ALMS1: variants seen among roughly 807,000 people sequenced by gnomAD.
ALMS1 encodes centrosome-associated protein ALMS1.
Under a neutral mutation model 352.2 loss-of-function variants are expected in ALMS1, and 271 were observed. The ratio of observed to expected loss-of-function variants is 0.77; its 90% CI spans 0.70 to 0.85. The LOEUF is 0.85. ALMS1 is among the 40% of genes least tolerant of loss of function. ALMS1 has a pLI of 0.00. For synonymous variants in ALMS1, 1,865 were observed against 1,761.2 expected (o/e 1.06, Z -1.48); for missense variants, 5,445 against 4,870.7 (o/e 1.12, Z -3.51).
intron 1 of ALMS1, among the ~76,000 whole-genome samples, chr2:73,398,237 G>A (rs1670803731): frequency 6.6e-6 from 1 of 152,190 alleles, no homozygotes; most frequent in South Asian, 2.1e-4. Context: ...CATTTGTTGA[G>A]AAGACTTTCT....
intron 16 of ALMS1, among the ~76,000 whole-genome samples, chr2:73,579,745 G>A (rs116092784): frequency 0.022 from 3,374 of 152,200 alleles, 126 homozygotes; most frequent in Admixed American, 0.089. Flanking sequence ...TGAGAAATTA[G>A]CAATTAATTT....
chr2:73,427,542 G>A (rs1671407403), intron 6 of ALMS1, among the ~76,000 whole-genome samples: 1 of 151,718 alleles, frequency 6.6e-6, no homozygotes, highest in Non-Finnish European at 1.5e-5. Context: ...GAACGTGCAG[G>A]TTTGTTACAT....
chr2:73,492,534 C>G (rs923312054), intron 10 of ALMS1, among the ~76,000 whole-genome samples: 1 of 152,036 alleles, frequency 6.6e-6, no homozygotes, highest in Non-Finnish European at 1.5e-5. Context: ...GAATTTGAAC[C>G]CTAATTCCAA....
chr2:73,499,164 T>C (rs1673169591), intron 10 of ALMS1, among the ~76,000 whole-genome samples: 1 of 152,190 alleles, frequency 6.6e-6, no homozygotes, highest in Non-Finnish European at 1.5e-5. Context: ...GATATCTCAT[T>C]GTAGTTTTTA....
At chr2:73,605,804 C>T (rs1264891733) in intron 21 of ALMS1, among the ~76,000 whole-genome samples, 1 of 151,560 alleles carries the variant, frequency 6.6e-6, no homozygotes, top group Non-Finnish European at 1.5e-5. Flanking sequence ...GATCGCGCCA[C>T]TGCACACCAG....
rs2103785406 is a variant in ALMS1, at chr2:73,451,708, A to G, written c.5181A>G (p.Pro1727=). The G allele has an allele frequency of 2.5e-6, 4 of 1,613,956 alleles. No individual in the cohort carries two copies. The highest frequency in any genetic ancestry group is 2.5e-6 in the Non-Finnish European group (3 of 1,179,964). ...KPIVFYQQAL[P]DSELTQEALK... ...TTGTCTTCTACCAACAGGCCCTGCC[A>G]GACAGTGAGCTAACTCAAGAAGCTC... Residue 1727 remains proline, a synonymous_variant, in exon 8 of 23, where the codon CCA becomes CCG. Coordinates refer to ENST00000613296, the MANE Select transcript of ALMS1 (RefSeq NM_001378454.1).
intron 11 of ALMS1, among the ~76,000 whole-genome samples, chr2:73,523,872 A>C (rs1192794414): frequency 2.0e-5 from 3 of 152,174 alleles, no homozygotes; most frequent in African/African-American, 7.2e-5. Flanking sequence ...TATTAACTAG[A>C]GATGAGCAAC....
chr2:73,486,946 C>G (rs1399647506), intron 9 of ALMS1, among the ~76,000 whole-genome samples: 2 of 152,072 alleles, frequency 1.3e-5, no homozygotes, highest in African/African-American at 4.8e-5. Flanking sequence ...TCCCAGCTAT[C>G]CAGGAGGCTG....
intron 6 of ALMS1, among the ~76,000 whole-genome samples, chr2:73,430,463 TTC>T (rs1215982544): frequency 6.6e-6 from 1 of 152,220 alleles, no homozygotes; most frequent in African/African-American, 2.4e-5. Flanking sequence ...AAATTTTTCT[TTC>T]TGTGTTTGAA....
chr2:73,417,487 G>A (rs971773803), intron 2 of ALMS1, among the ~76,000 whole-genome samples: 1 of 152,172 alleles, frequency 6.6e-6, no homozygotes, highest in Admixed American at 6.5e-5. Context: ...CCATATATGT[G>A]TGAAAATGTT....
Position 73,603,323 on chromosome 2 carries a change from G to A in ALMS1, c.12362+19G>A, listed in dbSNP as rs746098116. 2 of 1,612,788 alleles carry A rather than the reference G, an allele frequency of 1.2e-6. No homozygotes were observed. The highest frequency in any genetic ancestry group is 1.7e-6 in the Non-Finnish European group (2 of 1,179,124). ...CCAAACGGTAAGACCAAGAAAACAA[G>A]AGTACGTATACAAGTGTAAACCAGG... On this transcript the variant is annotated intron_variant, in intron 21 of 22. Transcript: ENST00000613296.
chr2:73,459,689 T>TA (rs2103808973), intron 9 of ALMS1, among the ~76,000 whole-genome samples: 1 of 152,340 alleles, frequency 6.6e-6, no homozygotes, highest in African/African-American at 2.4e-5. Context: ...TGTGTGTTCT[T>TA]ATGATCCCAT....
intron 10 of ALMS1, among the ~76,000 whole-genome samples, chr2:73,516,235 C>G (rs1673552287): frequency 1.3e-5 from 2 of 152,058 alleles, no homozygotes; most frequent in Non-Finnish European, 2.9e-5. Flanking sequence ...CAAATGAAAA[C>G]CACAATGAGA....
Position 73,573,440 on chromosome 2 carries a change from T to C in ALMS1, c.11547+16T>C, listed in dbSNP as rs373935106. The C allele has an allele frequency of 3.1e-6, 5 of 1,613,292 alleles. No individual in the cohort carries two copies. The African/African-American group carries it at 6.7e-5, about 22-fold the overall frequency. On this transcript the variant is annotated intron_variant, in intron 16 of 22. Transcript: ENST00000613296. Reference sequence around the variant, plus strand: ...ACACATCCAGGTACATGGCTACAGATTCCATCTGGCAATGTGACTGCCCTC... The same window carrying C: ...ACACATCCAGGTACATGGCTACAGACTCCATCTGGCAATGTGACTGCCCTC...
chr2:73,516,588 C>G (rs68154245), intron 10 of ALMS1, among the ~76,000 whole-genome samples: 1 of 152,132 alleles, frequency 6.6e-6, no homozygotes, highest in Non-Finnish European at 1.5e-5. Flanking sequence ...TTTTCAACAA[C>G]TAAATATTGT....
At chr2:73,524,553 T>TCAAG (rs1673749756) in intron 11 of ALMS1, among the ~76,000 whole-genome samples, 1 of 152,134 alleles carries the variant, frequency 6.6e-6, no homozygotes, top group South Asian at 2.1e-4. Context: ...CCTCCTTGGT[T>TCAAG]CAAGCAATTC....
intron 6 of ALMS1, among the ~76,000 whole-genome samples, chr2:73,430,835 A>G (rs1017659009): frequency 7.9e-5 from 12 of 152,140 alleles, no homozygotes; most frequent in Non-Finnish European, 1.2e-4. Context: ...CTGACAGCAC[A>G]TTTCTCAGAA....
chr2:73,472,517 A>G (rs1001698544), intron 9 of ALMS1, among the ~76,000 whole-genome samples: 10 of 152,086 alleles, frequency 6.6e-5, no homozygotes, highest in African/African-American at 2.4e-4. Context: ...ATGGTGGAGT[A>G]GGGAACTCTA....
chr2:73,489,536 A>G (rs1208887592), intron 9 of ALMS1, 98 bp from the exon 10 acceptor site: 3 of 1,381,730 alleles, frequency 2.2e-6, no homozygotes, highest in Non-Finnish European at 3.1e-6. Flanking sequence ...TTCATGGTCT[A>G]ATCTTAGCGT....
Sources: allele counts gnomAD v4.1 joint callset (sites outside exome capture counted in the v4.1 genomes callset), GRCh38; gene constraint gnomAD v4.1.1; transcripts MANE v1.5; gene names NCBI Gene and HGNC (gene_info 2026-07-23, HGNC 2026-07-21).